Variants in ITIH5 observed in about 807,000 individuals in gnomAD.
ITIH5 encodes the protein inter-alpha-trypsin inhibitor heavy chain 5, also known as inter-alpha-trypsin inhibitor heavy chain H5.
In ITIH5, 65 loss-of-function variants were observed where a neutral mutation model predicts 77.5. The ratio of observed to expected loss-of-function variants is 0.84; its 90% CI spans 0.69 to 1.03. The LOEUF (loss-of-function observed/expected upper bound fraction) is 1.03. Among genes scored for constraint, ITIH5 ranks in the 50% least tolerant of loss-of-function variants. The pLI is 0.00. For synonymous variants in ITIH5, 525 were observed against 494.3 expected (o/e 1.06, Z -0.82); for missense variants, 1,208 against 1,213.1 (o/e 1.00, Z 0.06).
At chr10:7,580,216 G>T (rs985910180) in intron 8 of ITIH5, 152 bp from the exon 9 acceptor site, 1 of 643,718 alleles carries the variant, frequency 1.6e-6, no homozygotes, top group Middle Eastern at 4.3e-4. Context: ...CGCCTCCCAG[G>T]TTCAAGCGAT....
intron 5 of ITIH5, among the ~76,000 whole-genome samples, chr10:7,631,878 C>T (rs1833719030): frequency 6.6e-6 from 1 of 151,986 alleles, no homozygotes; most frequent in Admixed American, 6.5e-5. Context: ...CCTCCGCCTC[C>T]CGGGTTCAAG....
intron 13 of ITIH5, 144 bp downstream of exon 13, chr10:7,565,886 A>G: frequency 9.7e-7 from 1 of 1,036,034 alleles, no homozygotes; most frequent in Non-Finnish European, 1.4e-6. Flanking sequence ...ACATACATAC[A>G]TACATATGCG....
At chr10:7,582,159 C>T (rs997490068) in intron 8 of ITIH5, among the ~76,000 whole-genome samples, 2 of 152,116 alleles carry the variant, frequency 1.3e-5, no homozygotes, top group South Asian at 2.1e-4. Flanking sequence ...CTGGCAGGGG[C>T]CACAGCACCT....
At chr10:7,563,869 G>A (rs1832088626) in intron 13 of ITIH5, among the ~76,000 whole-genome samples, 1 of 152,240 alleles carries the variant, frequency 6.6e-6, no homozygotes, top group African/African-American at 2.4e-5. Context: ...CAGGCCACAG[G>A]AATAAAGAGC....
intron 2 of ITIH5, 70 bp downstream of exon 2, chr10:7,655,561 G>T (rs972374995): frequency 3.1e-6 from 4 of 1,275,570 alleles, no homozygotes; most frequent in Non-Finnish European, 4.6e-6. Flanking sequence ...CAAGCAAAGT[G>T]GATACCTGGT....
chr10:7,640,915 G>A, intron 3 of ITIH5, 60 bp from the exon 4 acceptor site: 1 of 1,095,070 alleles, frequency 9.1e-7, no homozygotes, highest in Non-Finnish European at 1.4e-6. Context: ...TTCAGACATG[G>A]ATCTTATAAC....
chr10:7,617,502 T>A (rs1010419829), intron 5 of ITIH5: 10 of 367,074 alleles, frequency 2.7e-5, no homozygotes, highest in Non-Finnish European at 4.8e-5. Context: ...TGAACATTTT[T>A]AAAACACACA....
chr10:7,627,294 A>G (rs960892627), intron 5 of ITIH5, among the ~76,000 whole-genome samples: 1 of 136,158 alleles, frequency 7.3e-6, no homozygotes, highest in African/African-American at 3.2e-5. Flanking sequence ...CCCAGAACTT[A>G]AAGTAAAAGA....
chr10:7,655,487 C>G, intron 2 of ITIH5, 144 bp downstream of exon 2: 1 of 571,164 alleles, frequency 1.8e-6, no homozygotes, highest in South Asian at 3.0e-5. Context: ...TTATAAAAGA[C>G]TCAACTATGC....
At chr10:7,578,862 A>G (rs1832478197) in intron 9 of ITIH5, among the ~76,000 whole-genome samples, 1 of 152,238 alleles carries the variant, frequency 6.6e-6, no homozygotes, top group Non-Finnish European at 1.5e-5. Context: ...GTTTTAAAAG[A>G]TCTGAGTTTT....
chr10:7,577,309 C>A (rs1175857828), intron 9 of ITIH5, among the ~76,000 whole-genome samples: 1 of 152,218 alleles, frequency 6.6e-6, no homozygotes, highest in African/African-American at 2.4e-5. Flanking sequence ...GAAATTTCCA[C>A]CCACTGGTTT....
Position 7,603,830 on chromosome 10 carries a change from T to G in ITIH5, c.939+12152A>C, listed in dbSNP as rs1833066488. 2.0e-5 allele frequency among the ~76,000 whole-genome samples: 3 copies of G among 152,052 alleles called. No individual in the cohort carries two copies. In the South Asian group the frequency reaches 6.2e-4, roughly 31 times the overall value. ...GATCTCCTGACCTTGTGATCCGCCC[T>G]CCTCGGCCTCCCAAAGTGCTGGGAT... On this transcript the variant is annotated intron_variant, in intron 7 of 13. Transcript: ENST00000397146.
chr10:7,601,807 T>C (rs1260951146), intron 7 of ITIH5, among the ~76,000 whole-genome samples: 1 of 152,190 alleles, frequency 6.6e-6, no homozygotes, highest in Non-Finnish European at 1.5e-5. Context: ...ATCACATGCA[T>C]ATCACCCACT....
At chr10:7,652,379 G>C (rs1362677654) in intron 2 of ITIH5, among the ~76,000 whole-genome samples, 1 of 152,102 alleles carries the variant, frequency 6.6e-6, no homozygotes, top group Admixed American at 6.6e-5. Context: ...CCAGAGGCAA[G>C]CAGGAGGCGC....
At chr10:7,612,385 A>G (rs1022370697) in intron 7 of ITIH5, among the ~76,000 whole-genome samples, 2 of 152,210 alleles carry the variant, frequency 1.3e-5, no homozygotes, top group African/African-American at 4.8e-5. Context: ...ACTAGTGGCT[A>G]TTGTATTGGA....
At chr10:7,570,725 C>T (rs934875344) in intron 11 of ITIH5, among the ~76,000 whole-genome samples, 8 of 152,172 alleles carry the variant, frequency 5.3e-5, no homozygotes, top group African/African-American at 9.7e-5. Flanking sequence ...TGGGCTCAAA[C>T]GGTCCTCCCA....
chr10:7,665,268 C>T (rs1403110556), intron 1 of ITIH5, among the ~76,000 whole-genome samples: 1 of 152,184 alleles, frequency 6.6e-6, no homozygotes, highest in Admixed American at 6.5e-5. Context: ...CTAGTTCAGA[C>T]ACAGAATCTT....
At chr10:7,652,287 G>A (rs941721420) in intron 2 of ITIH5, among the ~76,000 whole-genome samples, 4 of 152,162 alleles carry the variant, frequency 2.6e-5, no homozygotes, top group Non-Finnish European at 5.9e-5. Context: ...ATTAATTCAA[G>A]CACGGAACAT....
chr10:7,638,383 A>G (rs1267605934), intron 4 of ITIH5, among the ~76,000 whole-genome samples: 1 of 152,258 alleles, frequency 6.6e-6, no homozygotes, highest in Non-Finnish European at 1.5e-5. Flanking sequence ...AGCAGAATGA[A>G]TGAAAAGAGA....
Sources: gnomAD v4.1 joint callset for allele counts (sites outside exome capture counted in the v4.1 genomes callset) on GRCh38, gnomAD v4.1.1 for gene constraint, MANE v1.5 for transcripts, NCBI Gene and HGNC (gene_info 2026-07-23, HGNC 2026-07-21) for gene names.